The following VEPH1 variants were observed in gnomAD, a reference collection of about 807,000 sequenced individuals.
VEPH1 encodes ventricular zone expressed PH domain containing 1.
In VEPH1, 80 loss-of-function variants were observed where a neutral mutation model predicts 85.2. The observed-to-expected ratio is 0.94, with a 90% CI of 0.78 to 1.13. The LOEUF (loss-of-function observed/expected upper bound fraction) is 1.13. Among genes scored for constraint, VEPH1 ranks in the 50% most tolerant of loss-of-function variants. VEPH1 has a pLI of 0.00. For synonymous variants in VEPH1, 297 were observed against 348.0 expected (o/e 0.85, Z 1.63); for missense variants, 955 against 980.5 (o/e 0.97, Z 0.35).
rs1163414472 is a variant in VEPH1 at position 157,438,035 on chromosome 3, GCGCA to G, written c.530-9551_530-9548del. 2.7e-4 allele frequency: 189 copies of G among 701,522 alleles called. No individual in the cohort carries two copies. In the East Asian group the frequency reaches 2.7e-3, roughly 10 times the overall value. 43.5% of individuals were successfully genotyped at this position (701,522 alleles called of 1,614,324 possible). A position where few individuals can be genotyped will look rare whatever the true frequency, so the allele number is the denominator to read the frequency against. On this transcript the variant is annotated intron_variant, in intron 4 of 13. Transcript: ENST00000362010. ...TTTCATGGGAAGCGCGCGCGCGCGCGCGCACACACACACACACACACACACACAC... is the reference window on the plus strand; with the variant it reads ...TTTCATGGGAAGCGCGCGCGCGCGCGCACACACACACACACACACACACAC...
intron 3 of VEPH1, among the ~76,000 whole-genome samples, chr3:157,462,016 A>G (rs1735921557): frequency 6.7e-6 from 1 of 149,728 alleles, no homozygotes; most frequent in Non-Finnish European, 1.5e-5. Flanking sequence ...TGTTCTGGGT[A>G]CTGGTAAACC....
rs1729622486 is a variant in VEPH1 at position 157,389,398 on chromosome 3, ATACTTGTT to A, written c.907-8030_907-8023del. Among the ~76,000 whole-genome samples the A allele has an allele frequency of 2.0e-5, 3 of 152,134 alleles. No individual in the cohort carries two copies. In the South Asian group the frequency reaches 6.2e-4, roughly 31 times the overall value. ...AATAAAGAGGCCATGAAAAGAATAG[ATACTTGTT>A]TACAGTATGAGAGCTGAACCAAGAC... On this transcript the variant is annotated intron_variant, in intron 6 of 13. Coordinates refer to ENST00000362010, the MANE Select transcript of VEPH1 (RefSeq NM_001167912.2).
intron 11 of VEPH1, among the ~76,000 whole-genome samples, chr3:157,296,307 G>A (rs1380664253): frequency 6.6e-6 from 1 of 152,192 alleles, no homozygotes; most frequent in Non-Finnish European, 1.5e-5. Flanking sequence ...GAATTTATGA[G>A]CTATTTCATA....
chr3:157,292,935 A>T (rs1474221688), intron 11 of VEPH1, among the ~76,000 whole-genome samples: 2 of 150,768 alleles, frequency 1.3e-5, no homozygotes, highest in East Asian at 1.9e-4. Context: ...GTGAGCTGAG[A>T]TCGCACCATT....
intron 6 of VEPH1, chr3:157,409,988 C>T: frequency 1.0e-6 from 1 of 952,926 alleles, no homozygotes; most frequent in African/African-American, 1.8e-5. Context: ...TCAGTATGCT[C>T]TGATCAGTCA....
chr3:157,438,035 G>GCACACACACACA (rs1294089889), intron 4 of VEPH1: 7 of 701,922 alleles, frequency 1.0e-5, no homozygotes, highest in East Asian at 7.1e-5. Context: ...GCGCGCGCGC[G>GCACACACACACA]CGCACACACA....
At chr3:157,429,185 G>A (rs1732960146) in intron 4 of VEPH1, among the ~76,000 whole-genome samples, 1 of 152,100 alleles carries the variant, frequency 6.6e-6, no homozygotes, top group African/African-American at 2.4e-5. Context: ...GGCAACATCT[G>A]CTTATCACTC....
intron 7 of VEPH1, among the ~76,000 whole-genome samples, chr3:157,380,651 T>A (rs930444193): frequency 6.6e-6 from 1 of 152,168 alleles, no homozygotes; most frequent in Non-Finnish European, 1.5e-5. Flanking sequence ...CAGAAGTACA[T>A]ACTCTATCTC....
At chr3:157,456,837 G>A (rs1255944094) in intron 4 of VEPH1, among the ~76,000 whole-genome samples, 2 of 152,098 alleles carry the variant, frequency 1.3e-5, no homozygotes, top group African/African-American at 4.8e-5. Context: ...TTTTTGCTTA[G>A]GATTGCCTTG....
At chr3:157,499,597 G>C (rs1003669301) in intron 1 of VEPH1, 2 of 152,184 alleles carry the variant, frequency 1.3e-5, no homozygotes, top group Admixed American at 6.5e-5. Flanking sequence ...CCAGAGACCG[G>C]TCAGGTGACA....
At chr3:157,449,201 T>A (rs1734770138) in intron 4 of VEPH1, among the ~76,000 whole-genome samples, 1 of 152,226 alleles carries the variant, frequency 6.6e-6, no homozygotes, top group African/African-American at 2.4e-5. Context: ...GGGGAAACAT[T>A]AATATTTCCC....
At chr3:157,426,927 C>A (rs143045633) in intron 5 of VEPH1, among the ~76,000 whole-genome samples, 521 of 151,826 alleles carry the variant, frequency 3.4e-3, no homozygotes, top group African/African-American at 9.9e-3. Context: ...CCTGCCTCAG[C>A]CTCCCAAGTA....
At chr3:157,290,035 A>C (rs371963983) in intron 11 of VEPH1, among the ~76,000 whole-genome samples, 32 of 144,386 alleles carry the variant, frequency 2.2e-4, no homozygotes, top group South Asian at 6.9e-4. Context: ...ATTATACACA[A>C]ACACACACAC....
chr3:157,281,181 G>A (rs939220963), intron 12 of VEPH1, among the ~76,000 whole-genome samples: 1 of 151,938 alleles, frequency 6.6e-6, no homozygotes, highest in Non-Finnish European at 1.5e-5. Flanking sequence ...AGGTTTAAGA[G>A]GGAGAGAAGA....
chr3:157,265,402 G>T (rs3749215), intron 13 of VEPH1, 124 bp downstream of exon 13: 49,565 of 1,054,870 alleles, frequency 0.047, 1,499 homozygotes, highest in Admixed American at 0.094. Context: ...ATAAAACAAT[G>T]CTGTAAGATG....
At chr3:157,421,789 G>T (rs1732359797) in intron 5 of VEPH1, among the ~76,000 whole-genome samples, 2 of 152,208 alleles carry the variant, frequency 1.3e-5, no homozygotes, top group South Asian at 4.1e-4. Flanking sequence ...TACCATGAAG[G>T]TAGGGGTGAC....
At chr3:157,304,896 C>G (rs1719285891) in intron 11 of VEPH1, among the ~76,000 whole-genome samples, 1 of 151,738 alleles carries the variant, frequency 6.6e-6, no homozygotes, top group South Asian at 2.1e-4. Flanking sequence ...AATTTTGTAC[C>G]CTGAAATATG....
chr3:157,475,180 T>C (rs369537065), intron 2 of VEPH1, among the ~76,000 whole-genome samples: 4 of 146,210 alleles, frequency 2.7e-5, no homozygotes, highest in African/African-American at 1.0e-4. Flanking sequence ...TTTGTAGAGA[T>C]GGAGTCTCGT....
rs1273789306 is a variant in VEPH1, at chr3:157,460,349, T to G, written c.361A>C (p.Asn121His). The change falls in exon 4 of 14, where the codon AAC becomes CAC. Residue 121 changes from asparagine to histidine, a missense_variant. Transcript: ENST00000362010. The part of the protein sequence containing the change: ...DIMSCILQNY[N>H]RPPVMALAIP... Reference sequence around the variant, plus strand: ...GCTAATGCCATCACTGGGGGTCGGTTGTAATTCTGAGGAAATATAAGAAAG... The same window carrying G: ...GCTAATGCCATCACTGGGGGTCGGTGGTAATTCTGAGGAAATATAAGAAAG... 6.2e-7 allele frequency: 1 copy of G among 1,606,842 alleles called. No homozygotes were observed. Among genetic ancestry groups the G allele is most frequent in the South Asian group, 1.1e-5 (1 of 90,050 alleles).
Sources: allele counts gnomAD v4.1 joint callset (sites outside exome capture counted in the v4.1 genomes callset), GRCh38; gene constraint gnomAD v4.1.1; transcripts MANE v1.5; gene names NCBI Gene and HGNC (gene_info 2026-07-23, HGNC 2026-07-21).